CEP57L1: variants seen among roughly 807,000 people sequenced by gnomAD.
CEP57L1 encodes centrosomal protein CEP57L1.
Under a neutral mutation model 61.0 loss-of-function variants are expected in CEP57L1, and 37 were observed. The ratio of observed to expected loss-of-function variants is 0.61; its 90% CI spans 0.47 to 0.80. The LOEUF (loss-of-function observed/expected upper bound fraction) is 0.80. CEP57L1 is among the 30% of genes least tolerant of loss of function. The pLI, the probability that CEP57L1 is intolerant of heterozygous loss-of-function variation, is 0.00. For missense variants in CEP57L1, 422 were observed against 524.7 expected (o/e 0.80, Z 1.91); for synonymous variants, 137 against 162.3 (o/e 0.84, Z 1.19).
chr6:109,095,860 T>G (rs1781633301), intron 1 of CEP57L1, among the ~76,000 whole-genome samples: 1 of 152,188 alleles, frequency 6.6e-6, no homozygotes, highest in South Asian at 2.1e-4. Context: ...TGCCTCTGAT[T>G]CCGCCCTTTT....
rs1774534298 is a variant in CEP57L1 at position 109,174,109 on chromosome 6, A to AACAAAAAAAC, written c.*11140_*11141insCAAAAAAACA. Among the ~76,000 whole-genome samples the AACAAAAAAAC allele has an allele frequency of 1.3e-5, 2 of 148,280 alleles. No individual in the cohort carries two copies. Among genetic ancestry groups the AACAAAAAAAC allele is most frequent in the East Asian group, 2.0e-4 (1 of 5,108 alleles). On this transcript the variant is annotated 3_prime_UTR_variant, in exon 11 of 11. Transcript: ENST00000517392. Reference sequence around the variant, plus strand: ...AGTGAGTCTTGGTCTCAAAAAAAAAAAAAAACCTTGTGTTGGAAACCATCT... The same window carrying AACAAAAAAAC: ...AGTGAGTCTTGGTCTCAAAAAAAAAAACAAAAAAACAAAAACCTTGTGTTGGAAACCATCT...
intron 1 of CEP57L1, among the ~76,000 whole-genome samples, chr6:109,142,915 C>T (rs920441397): frequency 5.3e-5 from 8 of 151,652 alleles, no homozygotes; most frequent in African/African-American, 1.2e-4. Flanking sequence ...GTTGCTCTCT[C>T]GCTTTCTCAC....
In CEP57L1 at chr6:109,155,292, A is replaced by T. The variant is rs781346199; in HGVS notation, c.642A>T (p.Gln214His). The change falls in exon 6 of 11, where the codon CAA becomes CAT. Residue 214 changes from glutamine (Q) to histidine (H), a missense_variant. Physicochemically the swap from Gln to His is conservative, Grantham distance 24. Coordinates refer to ENST00000517392, the MANE Select transcript of CEP57L1 (RefSeq NM_001271852.3). ...KEEEHQRKLF[Q>H]DKASELQTGL... ...AAGAACATCAGCGTAAGCTATTTCA[A>T]GACAAAGCTTCTGAGGTAAATATAG... is the stretch of plus-strand genomic sequence containing the variant. 11 of 1,581,880 alleles carry T rather than the reference A, an allele frequency of 7.0e-6. No individual in the cohort carries two copies. In the South Asian group the frequency reaches 1.2e-4, roughly 17 times the overall value.
At chr6:109,123,812 T>C (rs1360925454) in intron 1 of CEP57L1, among the ~76,000 whole-genome samples, 9 of 152,202 alleles carry the variant, frequency 5.9e-5, no homozygotes. Flanking sequence ...TTCACACCTG[T>C]AATCTCAGTA....
At chr6:109,155,626 A>G (rs556940859) in intron 6 of CEP57L1, among the ~76,000 whole-genome samples, 165 bp from the exon 7 acceptor site, 199 of 152,090 alleles carry the variant, frequency 1.3e-3, no homozygotes, top group African/African-American at 4.5e-3. Flanking sequence ...TGTAATTACC[A>G]ATAGACTTAG....
intron 9 of CEP57L1, among the ~76,000 whole-genome samples, chr6:109,160,333 G>C (rs1311110674): frequency 6.6e-6 from 1 of 152,086 alleles, no homozygotes; most frequent in East Asian, 1.9e-4. Context: ...CAGGAATTCA[G>C]ATGTTTTTAA....
chr6:109,161,701 T>TA (rs1240769940), intron 10 of CEP57L1, among the ~76,000 whole-genome samples: 1 of 152,146 alleles, frequency 6.6e-6, no homozygotes, highest in Non-Finnish European at 1.5e-5. Context: ...CTTGTACACT[T>TA]ACTTGAAATT....
intron 1 of CEP57L1, among the ~76,000 whole-genome samples, chr6:109,116,355 T>C (rs1772303319): frequency 6.6e-6 from 1 of 152,098 alleles, no homozygotes; most frequent in South Asian, 2.1e-4. Context: ...TTTTGTATTT[T>C]TAGTAGAGAG....
chr6:109,160,052 A>G (rs1294016278), intron 9 of CEP57L1, among the ~76,000 whole-genome samples: 1 of 152,220 alleles, frequency 6.6e-6, no homozygotes. Flanking sequence ...GATACATTAT[A>G]TTGTGCCCAC....
rs908872069 is a variant in CEP57L1 at position 109,166,712 on chromosome 6, A to G, written c.*3742A>G. The stretch of plus-strand genomic sequence containing the variant: ...TGTGTATTCTTATCCATGATAAGAG[A>G]TCAAAAATTAAATAAAAATTTTACT... On this transcript the variant is annotated 3_prime_UTR_variant, in exon 11 of 11. Transcript: ENST00000517392. Among the ~76,000 whole-genome samples the G allele has an allele frequency of 2.0e-5, 3 of 152,206 alleles. No homozygotes were observed. Among genetic ancestry groups the G allele is most frequent in the Non-Finnish European group, 2.9e-5 (2 of 68,036 alleles).
At chr6:109,156,142 A>G (rs1583652722) in intron 7 of CEP57L1, 2 of 271,066 alleles carry the variant, frequency 7.4e-6, no homozygotes, top group Non-Finnish European at 1.4e-5. Flanking sequence ...GGAACATATA[A>G]TGGACAGTAT....
intron 1 of CEP57L1, among the ~76,000 whole-genome samples, chr6:109,124,008 T>C (rs1773266203): frequency 6.6e-6 from 1 of 151,822 alleles, no homozygotes; most frequent in Admixed American, 6.6e-5. Flanking sequence ...AAGGTGGAGG[T>C]TGCAGTGAAC....
In CEP57L1 at chr6:109,149,361, A is replaced by G. The variant is rs1441329638; in HGVS notation, c.341-757A>G. Among the ~76,000 whole-genome samples the G allele has an allele frequency of 3.9e-5, 6 of 152,210 alleles. No homozygotes were observed. In the South Asian group the frequency reaches 6.2e-4, roughly 16 times the overall value. ...ATGGCTAGCCAGTTTTCCCAGCACCATTTATTAAATAGGGAATCCTTTCCC... is the reference window on the plus strand; with the variant it reads ...ATGGCTAGCCAGTTTTCCCAGCACCGTTTATTAAATAGGGAATCCTTTCCC... On this transcript the variant is annotated intron_variant, in intron 3 of 10. Coordinates refer to ENST00000517392, the MANE Select transcript of CEP57L1 (RefSeq NM_001271852.3).
rs913366910 is a variant in CEP57L1 at position 109,169,725 on chromosome 6, G to A, written c.*6755G>A. On this transcript the variant is annotated 3_prime_UTR_variant, in exon 11 of 11. Coordinates refer to ENST00000517392, the MANE Select transcript of CEP57L1 (RefSeq NM_001271852.3). ...TATGATTAAGAAAGAAATTTGCTCT[G>A]TAGGTGCTTCAGACAGTTTTACAAC... is the stretch of plus-strand genomic sequence containing the variant. Among the ~76,000 whole-genome samples, 1 of 152,174 alleles carries A rather than the reference G, an allele frequency of 6.6e-6. No individual in the cohort carries two copies. The highest frequency in any genetic ancestry group is 1.5e-5 in the Non-Finnish European group (1 of 68,028).
intron 1 of CEP57L1, chr6:109,129,300 C>T (rs991026507): frequency 9.8e-7 from 1 of 1,021,372 alleles, no homozygotes; most frequent in Non-Finnish European, 1.2e-6. Context: ...TTCATATTTC[C>T]TAGAAAATGG....
intron 1 of CEP57L1, among the ~76,000 whole-genome samples, chr6:109,114,436 T>C (rs1312240996): frequency 1.3e-5 from 2 of 152,152 alleles, no homozygotes; most frequent in East Asian, 3.8e-4. Context: ...TTTGAGTTTT[T>C]TGTATATTTT....
chr6:109,159,359 TG>T lies in CEP57L1; in HGVS notation c.915del (p.Trp305CysfsTer23), dbSNP rs759432894. 1 of 1,613,836 alleles carries T rather than the reference TG, an allele frequency of 6.2e-7. No homozygotes were observed. Among genetic ancestry groups the T allele is most frequent in the Non-Finnish European group, 8.5e-7 (1 of 1,179,894 alleles). Reference sequence around the variant, plus strand: ...CCCCAAGCCTTCTAGAACAACTTCCTGGTGTAAAGCTATTCCTCCTGACTCA... The same window carrying T: ...CCCCAAGCCTTCTAGAACAACTTCCTGTGTAAAGCTATTCCTCCTGACTCA... ...CLPKPSRTTS[W>X]CKAIPPDSEK... On this transcript the variant is annotated frameshift_variant, in exon 9 of 11. Transcript: ENST00000517392. LOFTEE classifies it high-confidence loss of function.
rs1330691411 is a variant in CEP57L1 at position 109,171,050 on chromosome 6, T to G, written c.*8080T>G. On this transcript the variant is annotated 3_prime_UTR_variant, in exon 11 of 11. Coordinates refer to ENST00000517392, the MANE Select transcript of CEP57L1 (RefSeq NM_001271852.3). Reference sequence around the variant, plus strand: ...TTTATATCAGTATTACATTCTTGATTCTCTCAAGGTATGATTTAAATGGTG... The same window carrying G: ...TTTATATCAGTATTACATTCTTGATGCTCTCAAGGTATGATTTAAATGGTG... 6.6e-6 allele frequency among the ~76,000 whole-genome samples: 1 copy of G among 152,206 alleles called. No individual in the cohort carries two copies. Among genetic ancestry groups the G allele is most frequent in the Non-Finnish European group, 1.5e-5 (1 of 68,040 alleles).
At chr6:109,120,721 T>C (rs1696508310) in intron 1 of CEP57L1, among the ~76,000 whole-genome samples, 5 of 152,168 alleles carry the variant, frequency 3.3e-5, no homozygotes, top group Admixed American at 3.3e-4. Flanking sequence ...AGGTTGACTT[T>C]CATATTCAGT....
Sources: allele counts gnomAD v4.1 joint callset (sites outside exome capture counted in the v4.1 genomes callset), GRCh38; gene constraint gnomAD v4.1.1; transcripts MANE v1.5; gene names NCBI Gene and HGNC (gene_info 2026-07-23, HGNC 2026-07-21).